SLC17A3: variants seen among roughly 807,000 people sequenced by gnomAD.
SLC17A3 encodes the protein sodium-dependent phosphate transport protein 4.
In SLC17A3, 61 loss-of-function variants were observed where a neutral mutation model predicts 60.3. The ratio of observed to expected loss-of-function variants is 1.01; its 90% CI spans 0.82 to 1.25. The LOEUF (loss-of-function observed/expected upper bound fraction) is 1.25. Among genes scored for constraint, SLC17A3 ranks in the 50% most tolerant of loss-of-function variants. SLC17A3 has a pLI of 0.00. For synonymous variants in SLC17A3, 192 were observed against 208.9 expected, an observed-to-expected ratio of 0.92 and a Z score of 0.70; for missense variants, 624 against 594.9, an observed-to-expected ratio of 1.05 and a Z score of -0.51.
chr6:25,866,292 G>A (rs538733051), intron 2 of SLC17A3, among the ~76,000 whole-genome samples: 1 of 152,132 alleles, frequency 6.6e-6, no homozygotes, highest in African/African-American at 2.4e-5. Flanking sequence ...TAAGACCTGA[G>A]AATGGCCTTC....
chr6:25,859,351 T>G (rs1244635605), intron 5 of SLC17A3, among the ~76,000 whole-genome samples: 1 of 152,220 alleles, frequency 6.6e-6, no homozygotes, highest in Non-Finnish European at 1.5e-5. Flanking sequence ...TGTGGCCATC[T>G]CTTCCCAACT....
chr6:25,872,832 C>A (rs1459713083), intron 1 of SLC17A3, among the ~76,000 whole-genome samples: 1 of 151,960 alleles, frequency 6.6e-6, no homozygotes, highest in Non-Finnish European at 1.5e-5. Flanking sequence ...CCGATCTTCC[C>A]ATTTGTCTCC....
At chr6:25,849,544 A>G in intron 10 of SLC17A3, 80 bp from the exon 11 acceptor site, 1 of 868,508 alleles carries the variant, frequency 1.2e-6, no homozygotes, top group Non-Finnish European at 2.0e-6. Context: ...GTATGAATCT[A>G]TAACTCAATT....
Position 25,850,451 on chromosome 6 carries a change from A to G in SLC17A3, c.993+8T>C, listed in dbSNP as rs748342836. On this transcript the variant is annotated splice_region_variant and intron_variant, in intron 8 of 12. Transcript: ENST00000397060. ...GCAGGAGAAAGGAAGGGAAGGAAAC[A>G]TACTCACGTCTCTGATGTTAACATG... The G allele has an allele frequency of 6.2e-7, 1 of 1,613,452 alleles. No individual in the cohort carries two copies. The highest frequency in any genetic ancestry group is 8.5e-7 in the Non-Finnish European group (1 of 1,179,448).
rs1765320407 is a variant in SLC17A3, at chr6:25,853,886, C to T, written c.712+1258G>A. On this transcript the variant is annotated intron_variant, in intron 6 of 12. Transcript: ENST00000397060. ...TTCTCTCTAAGCTTTGTTTTAATTA[C>T]ATCCTACAAAATTTGATATATTGAT... is the stretch of plus-strand genomic sequence containing the variant. Among the ~76,000 whole-genome samples the T allele has an allele frequency of 2.0e-5, 3 of 152,238 alleles. No individual in the cohort carries two copies. In the South Asian group the frequency reaches 6.2e-4, roughly 32 times the overall value.
chr6:25,849,834 A>C lies in SLC17A3; in HGVS notation c.1242T>G (p.Ile414Met). 1.9e-6 allele frequency: 3 copies of C among 1,613,994 alleles called. No homozygotes were observed. The highest frequency in any genetic ancestry group is 2.5e-6 in the Non-Finnish European group (3 of 1,179,830). ...GAGCAATATCTAAGACATTGATATA[A>C]ATCCCTGACTGACACAATGTGCTTA... ...CGLSTLCQSG[I>M]YINVLDIAPR... The change falls in exon 10 of 13, where the codon ATT becomes ATG. Residue 414 changes from isoleucine to methionine, a missense_variant. Ile to Met is a conservative substitution (Grantham distance 10). Coordinates refer to ENST00000397060, the MANE Select transcript of SLC17A3 (RefSeq NM_001098486.2).
chr6:25,873,043 A>G (rs770531244), intron 1 of SLC17A3, among the ~76,000 whole-genome samples: 1 of 151,956 alleles, frequency 6.6e-6, no homozygotes, highest in African/African-American at 2.4e-5. Context: ...TCACTGACTT[A>G]AAAAGCTGGA....
At chr6:25,865,413 G>GT (rs893681586) in intron 2 of SLC17A3, among the ~76,000 whole-genome samples, 2 of 151,850 alleles carry the variant, frequency 1.3e-5, no homozygotes, top group African/African-American at 4.8e-5. Flanking sequence ...CTTTGTAAGG[G>GT]TTTTTTTCAA....
In SLC17A3 at chr6:25,850,247, C is replaced by CT; in HGVS notation, c.994-71dup. The CT allele has an allele frequency of 4.0e-6, 6 of 1,486,196 alleles. No individual in the cohort carries two copies. The South Asian group carries it at 7.1e-5, about 18-fold the overall frequency. The allele number at this position is 1,486,196 out of a possible 1,614,324, so 92.1% of individuals were successfully genotyped here. A position where few individuals can be genotyped will look rare whatever the true frequency, so the allele number is the denominator to read the frequency against. On this transcript the variant is annotated intron_variant, in intron 8 of 12. Transcript: ENST00000397060. The stretch of plus-strand genomic sequence containing the variant: ...GACCACAACTTTTGTTGATAAATTA[C>CT]TACTAATAATAATGACATTCTGAAA...
chr6:25,849,300 G>A, intron 11 of SLC17A3, 74 bp downstream of exon 11: 1 of 865,682 alleles, frequency 1.2e-6, no homozygotes, highest in Non-Finnish European at 2.0e-6. Context: ...TTCAGTCTTT[G>A]AATACATGCT....
At position 25,850,178 on chromosome 6, in the gene SLC17A3, C is replaced by T. The variant is rs756704739; in HGVS notation, c.994-1G>A. On this transcript the variant is annotated splice_acceptor_variant, in intron 8 of 12. Coordinates refer to ENST00000397060, the MANE Select transcript of SLC17A3 (RefSeq NM_001098486.2). LOFTEE classifies it high-confidence loss of function. ...AAGGAAGGGCAGATAGAAGTCCATTCTAAAGAGAAAAGATTGAGTAAATTA... is the reference window on the plus strand; with the variant it reads ...AAGGAAGGGCAGATAGAAGTCCATTTTAAAGAGAAAAGATTGAGTAAATTA... The T allele has an allele frequency of 2.0e-5, 32 of 1,612,818 alleles. No individual in the cohort carries two copies. The highest frequency in any genetic ancestry group is 2.5e-5 in the Non-Finnish European group (30 of 1,179,326).
At position 25,868,421 on chromosome 6, in the gene SLC17A3, C is replaced by G. The variant is rs1354105140; in HGVS notation, c.-33-1G>C. 1 of 1,537,014 alleles carries G rather than the reference C, an allele frequency of 6.5e-7. No individual in the cohort carries two copies. The highest frequency in any genetic ancestry group is 9.0e-7 in the Non-Finnish European group (1 of 1,110,838). ...TCCTCTCCTAGTGAATGGTTTTCAC[C>G]TATCAGGGAGATATGTAATTCACAT... On this transcript the variant is annotated splice_acceptor_variant, in intron 1 of 12. Transcript: ENST00000397060. LOFTEE classifies it low-confidence loss of function (5UTR_SPLICE).
chr6:25,869,234 C>T (rs2151528102), intron 1 of SLC17A3, among the ~76,000 whole-genome samples: 1 of 151,964 alleles, frequency 6.6e-6, no homozygotes, highest in Middle Eastern at 3.4e-3. Flanking sequence ...TTATGTGTTA[C>T]TATGTGTAGA....
chr6:25,868,364 A>G lies in SLC17A3; in HGVS notation c.24T>C (p.Ser8=), dbSNP rs1347415293. The change falls in exon 2 of 13, where the codon AGT becomes AGC. Residue 8 remains serine, a synonymous_variant. Coordinates refer to ENST00000397060, the MANE Select transcript of SLC17A3 (RefSeq NM_001098486.2). ...CGTTCTTGCTCTCCCTTGCTGTGGGACTCAACTCTGTCTTGGTGGCCATTG... is the reference window on the plus strand; with the variant it reads ...CGTTCTTGCTCTCCCTTGCTGTGGGGCTCAACTCTGTCTTGGTGGCCATTG... MATKTEL[S]PTARESKNAQ... 4 of 1,610,840 alleles carry G rather than the reference A, an allele frequency of 2.5e-6. No homozygotes were observed. The highest frequency in any genetic ancestry group is 3.4e-6 in the Non-Finnish European group (4 of 1,178,248).
chr6:25,849,488 G>A, intron 10 of SLC17A3, 24 bp from the exon 11 acceptor site: 1 of 1,455,650 alleles, frequency 6.9e-7, no homozygotes, highest in Non-Finnish European at 9.7e-7. Context: ...GAATGTTCCG[G>A]TCTAGATCCA....
rs546299931 is a variant in SLC17A3, at chr6:25,866,677, T to G, written c.91+1620A>C. On this transcript the variant is annotated intron_variant, in intron 2 of 12. Coordinates refer to ENST00000397060, the MANE Select transcript of SLC17A3 (RefSeq NM_001098486.2). ...TTGAAAAATATTTGCATTACAAAATTTATCATGAGACTAAAATGTTAAGAC... is the reference window on the plus strand; with the variant it reads ...TTGAAAAATATTTGCATTACAAAATGTATCATGAGACTAAAATGTTAAGAC... Among the ~76,000 whole-genome samples the G allele has an allele frequency of 7.9e-5, 12 of 152,042 alleles. No individual in the cohort carries two copies. The East Asian group carries it at 1.4e-3, about 17-fold the overall frequency.
At chr6:25,862,471 T>C (rs963475923) in intron 2 of SLC17A3, 27 bp from the exon 3 acceptor site, 22 of 1,561,438 alleles carry the variant, frequency 1.4e-5, no homozygotes, top group Non-Finnish European at 1.9e-5. Flanking sequence ...ATCATATTAG[T>C]GTTTTTTAAA....
chr6:25,848,229 C>T lies in SLC17A3; in HGVS notation c.1362+1145G>A, dbSNP rs984297010. On this transcript the variant is annotated intron_variant, in intron 11 of 12. Transcript: ENST00000397060. ...AACATGTCTGTGCAATTATCTTTTTCGTATAATGACTTCTTTTCTCTGGGT... is the reference window on the plus strand; with the variant it reads ...AACATGTCTGTGCAATTATCTTTTTTGTATAATGACTTCTTTTCTCTGGGT... Among the ~76,000 whole-genome samples, 7 of 152,090 alleles carry T rather than the reference C, an allele frequency of 4.6e-5. No individual in the cohort carries two copies. In the East Asian group the frequency reaches 5.8e-4, roughly 13 times the overall value.
chr6:25,852,227 C>T (rs1413580344), intron 6 of SLC17A3, among the ~76,000 whole-genome samples: 1 of 152,034 alleles, frequency 6.6e-6, no homozygotes, highest in African/African-American at 2.4e-5. Context: ...ATCTTTGTTC[C>T]TCTCTCTATA....
Sources: allele counts gnomAD v4.1 joint callset (sites outside exome capture counted in the v4.1 genomes callset), GRCh38; gene constraint gnomAD v4.1.1; transcripts MANE v1.5; gene names NCBI Gene and HGNC (gene_info 2026-07-23, HGNC 2026-07-21).